The following DYNC2LI1 variants were observed in gnomAD, a reference collection of about 807,000 sequenced individuals.
DYNC2LI1 encodes the protein cytoplasmic dynein 2 light intermediate chain 1.
DYNC2LI1 carries 45 observed loss-of-function variants against 51.9 expected under a neutral mutation model. That is an observed-to-expected ratio of 0.87 (90% CI 0.68 to 1.11). DYNC2LI1 has a LOEUF of 1.11. DYNC2LI1 is among the 50% of genes most tolerant of loss of function. The pLI, the probability that DYNC2LI1 is intolerant of heterozygous loss-of-function variation, is 0.00. For missense variants in DYNC2LI1, 490 were observed against 417.4 expected (o/e 1.17, Z -1.51); for synonymous variants, 130 against 137.8 (o/e 0.94, Z 0.40).
downstream of DYNC2LI1, among the ~76,000 whole-genome samples, chr2:43,811,212 A>G (rs947192383): frequency 7.2e-5 from 11 of 152,234 alleles, no homozygotes; most frequent in African/African-American, 2.7e-4. Flanking sequence ...AGAATTGTCT[A>G]TAACTGATGT....
intron 5 of DYNC2LI1, chr2:43,792,768 G>A (rs1180343973): frequency 6.5e-7 from 1 of 1,542,234 alleles, no homozygotes; most frequent in South Asian, 1.2e-5. Flanking sequence ...TTGTCCTTTT[G>A]TTATTTATTT....
chr2:43,821,639 G>A, the DYNC2LI1 span, among the ~76,000 whole-genome samples: 16 of 152,182 alleles, frequency 1.1e-4, no homozygotes, highest in South Asian at 2.7e-3. Context: ...GCCTATTGCC[G>A]CACTAACTGG....
intron 6 of DYNC2LI1, 130 bp from the exon 7 acceptor site, chr2:43,795,760 C>A: frequency 1.4e-6 from 1 of 697,614 alleles, no homozygotes; most frequent in South Asian, 1.8e-5. Context: ...AGAACAAATT[C>A]TATGTCAAGC....
the DYNC2LI1 span, chr2:43,824,938 A>G: frequency 6.2e-7 from 1 of 1,614,116 alleles, no homozygotes. Flanking sequence ...AACCGCAGTC[A>G]TTGAAGAAAT....
chr2:43,826,438 G>A, the DYNC2LI1 span: 9 of 1,614,088 alleles, frequency 5.6e-6, no homozygotes, highest in East Asian at 6.7e-5. Context: ...CGGTTCCTGC[G>A]AGCCAGTTCC....
At chr2:43,776,462 T>C (rs1481019367) in intron 1 of DYNC2LI1, among the ~76,000 whole-genome samples, 1 of 152,234 alleles carries the variant, frequency 6.6e-6, no homozygotes, top group Non-Finnish European at 1.5e-5. Context: ...AAAGTCATTG[T>C]ACCTCCATAT....
the DYNC2LI1 span, chr2:43,827,973 T>A: frequency 6.2e-7 from 1 of 1,613,796 alleles, no homozygotes. Flanking sequence ...CAGTTCTGGG[T>A]GCCACTTACT....
intron 6 of DYNC2LI1, 56 bp from the exon 7 acceptor site, chr2:43,795,834 C>G: frequency 1.5e-6 from 2 of 1,351,776 alleles, no homozygotes; most frequent in Non-Finnish European, 2.1e-6. Flanking sequence ...ATAGAAATTG[C>G]TAAGCACCTA....
chr2:43,784,514 A>G (rs942051565), intron 3 of DYNC2LI1, among the ~76,000 whole-genome samples: 9 of 151,516 alleles, frequency 5.9e-5, no homozygotes, highest in Non-Finnish European at 1.2e-4. Context: ...ATCTCGGCTC[A>G]CTGCAACCTC....
chr2:43,810,098 C>T (rs1191726351), downstream of DYNC2LI1: 1 of 522,884 alleles, frequency 1.9e-6, no homozygotes, highest in Non-Finnish European at 2.5e-6. Flanking sequence ...TATTTGGTTA[C>T]AGTTTTAAAT....
the DYNC2LI1 span, chr2:43,823,890 A>C: frequency 6.2e-7 from 1 of 1,611,824 alleles, no homozygotes. Flanking sequence ...AAAGAGGTGC[A>C]CCTCCAGCAC....
downstream of DYNC2LI1, among the ~76,000 whole-genome samples, chr2:43,810,210 T>C (rs2104731458): frequency 6.6e-6 from 1 of 152,326 alleles, no homozygotes. Context: ...AAAATTTTAC[T>C]CTTAACAGTG....
chr2:43,819,865 A>T, the DYNC2LI1 span: 2 of 1,585,642 alleles, frequency 1.3e-6, no homozygotes, highest in Admixed American at 3.3e-5. Flanking sequence ...TTAGGTGATC[A>T]TTAATAACAG....
In DYNC2LI1 at chr2:43,782,583, T is replaced by A. The variant is rs182238936; in HGVS notation, c.127-937T>A. 1.3e-3 allele frequency among the ~76,000 whole-genome samples: 196 copies of A among 151,990 alleles called. 3 individuals are homozygous for A. Among genetic ancestry groups the A allele is most frequent in the Admixed American group, 0.01 (156 of 15,268 alleles). Reference sequence around the variant, plus strand: ...AAAAAAAAAGGATTTTACTATTTTTTAAAAATGATATAAACCACTGAGCTA... The same window carrying A: ...AAAAAAAAAGGATTTTACTATTTTTAAAAAATGATATAAACCACTGAGCTA... On this transcript the variant is annotated intron_variant, in intron 2 of 12. Coordinates refer to ENST00000260605, the MANE Select transcript of DYNC2LI1 (RefSeq NM_016008.4).
chr2:43,801,832 C>G, intron 10 of DYNC2LI1, 123 bp downstream of exon 10: 1 of 673,372 alleles, frequency 1.5e-6, no homozygotes, highest in Non-Finnish European at 2.5e-6. Flanking sequence ...GCTGTTATTT[C>G]CTGTGTGTTT....
At chr2:43,789,596 C>T in intron 4 of DYNC2LI1, 37 bp from the exon 5 acceptor site, 4 of 1,564,114 alleles carry the variant, frequency 2.6e-6, no homozygotes, top group Non-Finnish European at 3.5e-6. Context: ...ATAAGAAGTA[C>T]TTAAACTTCA....
intron 1 of DYNC2LI1, among the ~76,000 whole-genome samples, chr2:43,775,151 T>C (rs1672953563): frequency 6.6e-6 from 1 of 152,216 alleles, no homozygotes; most frequent in Non-Finnish European, 1.5e-5. Flanking sequence ...TCTTTTTTAT[T>C]GGCTTTTTAG....
the DYNC2LI1 span, among the ~76,000 whole-genome samples, chr2:43,816,487 G>A: frequency 6.6e-6 from 1 of 152,184 alleles, no homozygotes; most frequent in African/African-American, 2.4e-5. Flanking sequence ...AGCAGCGGGA[G>A]GAACCATAGA....
chr2:43,800,450 T>C (rs572866428), intron 8 of DYNC2LI1, among the ~76,000 whole-genome samples: 1 of 152,334 alleles, frequency 6.6e-6, no homozygotes, highest in South Asian at 2.1e-4. Flanking sequence ...TCTTATTTTC[T>C]AACCAACCCA....
Sources: gnomAD v4.1 joint callset for allele counts (sites outside exome capture counted in the v4.1 genomes callset) on GRCh38, gnomAD v4.1.1 for gene constraint, MANE v1.5 for transcripts, NCBI Gene and HGNC (gene_info 2026-07-23, HGNC 2026-07-21) for gene names.